The following EPG5 variants were observed in gnomAD, a reference collection of about 807,000 sequenced individuals.
The protein encoded by EPG5 is ectopic P-granules 5 autophagy tethering factor, also known as ectopic P granules protein 5 homolog.
A neutral mutation model predicts 302.7 loss-of-function variants in EPG5; 159 were observed. The ratio of observed to expected loss-of-function variants is 0.53; its 90% confidence interval spans 0.46 to 0.60. The LOEUF is 0.60. EPG5 is among the 20% of genes least tolerant of loss of function. The pLI, the probability that EPG5 is intolerant of heterozygous loss-of-function variation, is 0.00. For synonymous variants in EPG5, 1,158 were observed against 1,136.8 expected, an observed-to-expected ratio of 1.02 and a Z score of -0.37; for missense variants, 2,896 against 3,092.4, an observed-to-expected ratio of 0.94 and a Z score of 1.51.
intron 18 of EPG5, 100 bp from the exon 19 acceptor site, chr18:45,916,306 C>T (rs2050031225): frequency 6.6e-7 from 1 of 1,519,304 alleles, no homozygotes; most frequent in Non-Finnish European, 8.9e-7. Flanking sequence ...AATCCCAAAT[C>T]TATTGCCTTT....
chr18:45,839,175 C>T, the EPG5 span: 2 of 1,329,068 alleles, frequency 1.5e-6, no homozygotes, highest in Non-Finnish European at 1.9e-6. Context: ...CCTGGCTGAC[C>T]CCCTGGCACT....
At chr18:45,822,151 G>A in the EPG5 span, among the ~76,000 whole-genome samples, 1 of 152,164 alleles carries the variant, frequency 6.6e-6, no homozygotes, top group Admixed American at 6.5e-5. Context: ...ATCAACCTGG[G>A]TGTCCACCAT....
At chr18:45,956,943 C>T (rs539115917) in intron 1 of EPG5, among the ~76,000 whole-genome samples, 7 of 151,110 alleles carry the variant, frequency 4.6e-5, no homozygotes, top group African/African-American at 1.7e-4. Flanking sequence ...GGCATTAATA[C>T]GCAAACTAGA....
At chr18:45,967,090 G>C (rs1338383801) in intron 1 of EPG5, 87 bp downstream of exon 1, 1 of 1,316,800 alleles carries the variant, frequency 7.6e-7, no homozygotes, top group Non-Finnish European at 1.0e-6. Flanking sequence ...CAGGGAACGG[G>C]AGTAGAATTG....
chr18:45,877,251 T>A (rs1172759108), intron 34 of EPG5, among the ~76,000 whole-genome samples: 1 of 151,458 alleles, frequency 6.6e-6, no homozygotes, highest in African/African-American at 2.4e-5. Context: ...ACAAAAAAAA[T>A]AAAAATTAAA....
chr18:45,901,581 G>T (rs193155964), intron 25 of EPG5, among the ~76,000 whole-genome samples: 35 of 152,122 alleles, frequency 2.3e-4, no homozygotes, highest in African/African-American at 8.5e-4. Flanking sequence ...GAATATAGCC[G>T]AGTCAAAAAT....
rs546974633 is a variant in EPG5 at position 45,964,361 on chromosome 18, G to A, written c.63+2816C>T. 3.9e-5 allele frequency among the ~76,000 whole-genome samples: 6 copies of A among 152,294 alleles called. No individual in the cohort carries two copies. The South Asian group carries it at 1.2e-3, about 32-fold the overall frequency. ...TTTAACCTGAGTTCTCTCACGAACTGCATGACACTGAGCAATATTTAATCC... is the reference window on the plus strand; with the variant it reads ...TTTAACCTGAGTTCTCTCACGAACTACATGACACTGAGCAATATTTAATCC... On this transcript the variant is annotated intron_variant, in intron 1 of 43. Transcript: ENST00000282041.
chr18:45,880,299 G>C (rs1204327519), intron 31 of EPG5, 76 bp from the exon 32 acceptor site: 1 of 1,352,756 alleles, frequency 7.4e-7, no homozygotes, highest in East Asian at 2.5e-5. Context: ...AAGAATATGA[G>C]CACCTTATAA....
At chr18:45,823,988 T>C in the EPG5 span, among the ~76,000 whole-genome samples, 4 of 152,098 alleles carry the variant, frequency 2.6e-5, no homozygotes, top group Non-Finnish European at 5.9e-5. Flanking sequence ...AATAAATAAG[T>C]ACATAATGTA....
chr18:45,912,544 A>T (rs2049930262), intron 21 of EPG5, 88 bp from the exon 22 acceptor site: 1 of 1,243,740 alleles, frequency 8.0e-7, no homozygotes, highest in Non-Finnish European at 1.1e-6. Flanking sequence ...CTGAAACACC[A>T]AACATTCTGT....
At chr18:45,808,385 G>C in the EPG5 span, among the ~76,000 whole-genome samples, 1 of 152,042 alleles carries the variant, frequency 6.6e-6, no homozygotes, top group Non-Finnish European at 1.5e-5. Flanking sequence ...AAAACACCTG[G>C]GAAATTCATC....
intron 9 of EPG5, among the ~76,000 whole-genome samples, chr18:45,941,137 T>G (rs890323032): frequency 1.1e-4 from 17 of 152,080 alleles, no homozygotes; most frequent in Non-Finnish European, 1.9e-4. Context: ...TGAGACACTC[T>G]AACATTAAGA....
In EPG5 at chr18:45,866,899, G is replaced by A; in HGVS notation, c.6520C>T (p.Pro2174Ser). The change falls in exon 38 of 44, where the codon CCG becomes TCG. Residue 2174 changes from proline to serine, a missense_variant. Physicochemically the swap from Pro to Ser is moderately conservative, Grantham distance 74. Around this residue, in one of 5 missense-constraint regions of EPG5, gnomAD observed 620 missense variants for 704.2 expected, o/e 0.88. Transcript: ENST00000282041. Reference sequence around the variant, plus strand: ...GATTCTTTTGCCAGGATGATGGACGGCGGGTAATGGCTGCTGAAATAACTT... The same window carrying A: ...GATTCTTTTGCCAGGATGATGGACGACGGGTAATGGCTGCTGAAATAACTT... ...VLSYFSSHYP[P>S]SIILAKESYA... The A allele has an allele frequency of 3.7e-6, 6 of 1,614,084 alleles. No homozygotes were observed. Among genetic ancestry groups the A allele is most frequent in the East Asian group, 2.2e-5 (1 of 44,888 alleles).
At chr18:45,967,102 C>T in intron 1 of EPG5, 75 bp downstream of exon 1, 2 of 1,444,206 alleles carry the variant, frequency 1.4e-6, no homozygotes, top group South Asian at 1.3e-5. Context: ...GTAGAATTGG[C>T]TGGGGAGGCC....
intron 42 of EPG5, among the ~76,000 whole-genome samples, chr18:45,855,941 C>A (rs2048508079): frequency 6.6e-6 from 1 of 152,212 alleles, no homozygotes; most frequent in African/African-American, 2.4e-5. Flanking sequence ...AACCCTTGCA[C>A]ATTGCTGGTG....
At chr18:45,809,680 T>C in the EPG5 span, among the ~76,000 whole-genome samples, 8 of 152,070 alleles carry the variant, frequency 5.3e-5, no homozygotes, top group Non-Finnish European at 1.0e-4. Context: ...TAAACGACAA[T>C]AGTGACACAA....
chr18:45,929,079 A>T, intron 12 of EPG5, 70 bp from the exon 13 acceptor site: 2 of 1,455,956 alleles, frequency 1.4e-6, no homozygotes, highest in South Asian at 2.5e-5. Context: ...CACTTATATC[A>T]TTTTTTCAAG....
At chr18:45,901,806 T>C (rs945214996) in intron 25 of EPG5, among the ~76,000 whole-genome samples, 1 of 150,872 alleles carries the variant, frequency 6.6e-6, no homozygotes, top group Admixed American at 6.6e-5. Flanking sequence ...CAAAGGTGAA[T>C]CTCTACCATG....
At position 45,916,725 on chromosome 18, in the gene EPG5, A is replaced by G. The variant is rs1340717102; in HGVS notation, c.3240-143T>C. 4 of 825,154 alleles carry G rather than the reference A, an allele frequency of 4.8e-6. No individual in the cohort carries two copies. The East Asian group carries it at 1.1e-4, about 23-fold the overall frequency. 51.1% of individuals were successfully genotyped at this position (825,154 alleles called of 1,614,324 possible). A position where few individuals can be genotyped will look rare whatever the true frequency, so the allele number is the denominator to read the frequency against. On this transcript the variant is annotated intron_variant, in intron 17 of 43. Coordinates refer to ENST00000282041, the MANE Select transcript of EPG5 (RefSeq NM_020964.3). ...ACTATTTAAGAAGGGATTCTAGAAG[A>G]ATAAAGTTTTCACATTTAACATGGG...
Sources: gnomAD v4.1 joint callset for allele counts (sites outside exome capture counted in the v4.1 genomes callset) on GRCh38, gnomAD v4.1.1 for gene constraint, gnomAD v4.1.1 regional missense constraint, MANE v1.5 for transcripts, NCBI Gene and HGNC (gene_info 2026-07-23, HGNC 2026-07-21) for gene names.